Variants in SLC44A5 observed in about 807,000 individuals in gnomAD.
SLC44A5 encodes choline transporter-like protein 5.
SLC44A5 carries 57 observed loss-of-function variants against 101.8 expected under a neutral mutation model. The observed-to-expected ratio is 0.56, with a 90% CI of 0.45 to 0.70. The LOEUF is 0.70. SLC44A5 is among the 30% of genes least tolerant of loss of function. SLC44A5 has a pLI of 0.00. For synonymous variants in SLC44A5, 281 were observed against 290.9 expected (o/e 0.97, Z 0.35); for missense variants, 737 against 853.1 (o/e 0.86, Z 1.70).
the SLC44A5 span, among the ~76,000 whole-genome samples, chr1:75,681,086 C>A: frequency 6.6e-6 from 1 of 151,578 alleles, no homozygotes; most frequent in African/African-American, 2.4e-5. Context: ...TCTGAATAGA[C>A]CAATAACAGG....
chr1:75,343,421 A>G (rs1020213546), intron 3 of SLC44A5, among the ~76,000 whole-genome samples: 2 of 152,210 alleles, frequency 1.3e-5, no homozygotes, highest in African/African-American at 2.4e-5. Context: ...GCTCCATTGA[A>G]AGCAAATGGC....
intron 12 of SLC44A5, among the ~76,000 whole-genome samples, chr1:75,231,965 G>A (rs1418828140): frequency 2.0e-5 from 3 of 152,074 alleles, no homozygotes; most frequent in Admixed American, 2.0e-4. Flanking sequence ...CTAGTAAATG[G>A]GCTGCTGTCA....
chr1:75,227,201 C>G (rs942045773), intron 13 of SLC44A5, among the ~76,000 whole-genome samples: 6 of 151,870 alleles, frequency 4.0e-5, no homozygotes, highest in African/African-American at 1.2e-4. Context: ...CCCATCTCTA[C>G]AAAAAATTAA....
At chr1:75,449,853 T>C (rs1380616842) in intron 2 of SLC44A5, among the ~76,000 whole-genome samples, 1 of 151,964 alleles carries the variant, frequency 6.6e-6, no homozygotes, top group Non-Finnish European at 1.5e-5. Context: ...ATACAAAAAT[T>C]AGCTGGGCAT....
intron 4 of SLC44A5, among the ~76,000 whole-genome samples, chr1:75,315,927 A>G (rs563171554): frequency 2.6e-4 from 39 of 152,006 alleles, no homozygotes; most frequent in Non-Finnish European, 5.3e-4. Flanking sequence ...CCATCCTACA[A>G]TGTTCTGTTT....
At chr1:75,610,081 C>T (rs564580913) in intron 1 of SLC44A5, among the ~76,000 whole-genome samples, 27 of 150,552 alleles carry the variant, frequency 1.8e-4, no homozygotes, top group Admixed American at 8.0e-4. Flanking sequence ...TAGCAGGAGG[C>T]CTCAGTTCTT....
the SLC44A5 span, among the ~76,000 whole-genome samples, chr1:75,653,521 C>A: frequency 1.3e-5 from 2 of 152,076 alleles, no homozygotes; most frequent in African/African-American, 2.4e-5. Flanking sequence ...GCCAATCCAA[C>A]ATCTGAAGGG....
the SLC44A5 span, among the ~76,000 whole-genome samples, chr1:75,635,908 T>G: frequency 6.6e-6 from 1 of 152,108 alleles, no homozygotes; most frequent in African/African-American, 2.4e-5. Context: ...GGATTATTTA[T>G]GTATTTATTT....
chr1:75,671,504 T>C, the SLC44A5 span, among the ~76,000 whole-genome samples: 3 of 151,962 alleles, frequency 2.0e-5, no homozygotes, highest in Non-Finnish European at 4.4e-5. Flanking sequence ...CATGAGGAAA[T>C]AGAACCATAA....
chr1:75,467,561 G>A (rs1666889962), intron 2 of SLC44A5, among the ~76,000 whole-genome samples: 1 of 152,130 alleles, frequency 6.6e-6, no homozygotes, highest in Non-Finnish European at 1.5e-5. Context: ...CAATAAAGGT[G>A]CCAAGAACAT....
chr1:75,644,961 C>G, the SLC44A5 span, among the ~76,000 whole-genome samples: 1 of 152,202 alleles, frequency 6.6e-6, no homozygotes, highest in South Asian at 2.1e-4. Flanking sequence ...TGAACTCATC[C>G]TTTTTAATGG....
intron 6 of SLC44A5, among the ~76,000 whole-genome samples, chr1:75,274,339 G>A (rs896915660): frequency 2.6e-5 from 4 of 152,074 alleles, no homozygotes; most frequent in Non-Finnish European, 5.9e-5. Flanking sequence ...GGCTGCTTGT[G>A]TGTGTGGTTT....
chr1:75,692,508 C>G, the SLC44A5 span, among the ~76,000 whole-genome samples: 2 of 152,034 alleles, frequency 1.3e-5, no homozygotes, highest in Non-Finnish European at 2.9e-5. Flanking sequence ...GGATGGGATT[C>G]TATGCAGAAG....
chr1:75,324,561 T>C (rs1656425244), intron 4 of SLC44A5, among the ~76,000 whole-genome samples: 1 of 152,192 alleles, frequency 6.6e-6, no homozygotes, highest in East Asian at 1.9e-4. Context: ...TGAAGCATTT[T>C]TGTGAGTATT....
chr1:75,473,871 AG>A (rs1410121287), intron 2 of SLC44A5, among the ~76,000 whole-genome samples: 1 of 152,134 alleles, frequency 6.6e-6, no homozygotes, highest in African/African-American at 2.4e-5. Context: ...CAGTATATTT[AG>A]TACTAAGTAA....
intron 2 of SLC44A5, among the ~76,000 whole-genome samples, chr1:75,413,451 G>C (rs916583569): frequency 1.3e-5 from 2 of 152,044 alleles, no homozygotes; most frequent in African/African-American, 4.8e-5. Context: ...TAGTATCCTT[G>C]TTATAAATAA....
chr1:75,529,943 T>G (rs540234098), intron 2 of SLC44A5, among the ~76,000 whole-genome samples: 1 of 152,286 alleles, frequency 6.6e-6, no homozygotes, highest in African/African-American at 2.4e-5. Context: ...TTTGGAATAT[T>G]TACATATTGA....
At chr1:75,642,894 TAAG>T in the SLC44A5 span, among the ~76,000 whole-genome samples, 2 of 152,104 alleles carry the variant, frequency 1.3e-5, no homozygotes, top group African/African-American at 4.8e-5. Flanking sequence ...TGTAAACAAA[TAAG>T]TTTAGGTTAT....
At position 75,528,740 on chromosome 1, in the gene SLC44A5, C is replaced by G. The variant is rs144429794; in HGVS notation, c.13+12695G>C. 3.3e-3 allele frequency among the ~76,000 whole-genome samples: 501 copies of G among 152,200 alleles called. 3 individuals carry two copies. Among genetic ancestry groups the G allele is most frequent in the African/African-American group, 0.012 (487 of 41,524 alleles). ...CCTATAAAACCCTAACTATCTGGACCCTATTTACTTTTCTTTCTTCATTTC... is the reference window on the plus strand; with the variant it reads ...CCTATAAAACCCTAACTATCTGGACGCTATTTACTTTTCTTTCTTCATTTC... On this transcript the variant is annotated intron_variant, in intron 2 of 23. Coordinates refer to ENST00000370859, the MANE Select transcript of SLC44A5 (RefSeq NM_001130058.2).
Sources: gnomAD v4.1 joint callset for allele counts (sites outside exome capture counted in the v4.1 genomes callset) on GRCh38, gnomAD v4.1.1 for gene constraint, MANE v1.5 for transcripts, NCBI Gene and HGNC (gene_info 2026-07-23, HGNC 2026-07-21) for gene names.